Variants in TNIK observed in about 807,000 individuals in gnomAD.
TNIK encodes the protein TRAF2 and NCK-interacting protein kinase.
In TNIK, 49 loss-of-function variants were observed where a neutral mutation model predicts 191.3. The observed-to-expected ratio is 0.26, with a 90% confidence interval of 0.20 to 0.32. The LOEUF is 0.32. TNIK is among the 10% of genes least tolerant of loss of function. TNIK has a pLI of 1.00. For synonymous variants in TNIK, 594 were observed against 600.9 expected (o/e 0.99, Z 0.17); for missense variants, 1,155 against 1,702.3 (o/e 0.68, Z 5.66).
intron 4 of TNIK, among the ~76,000 whole-genome samples, chr3:171,200,357 T>A (rs1577101404): frequency 1.3e-5 from 2 of 152,172 alleles, no homozygotes; most frequent in African/African-American, 4.8e-5. Flanking sequence ...GCAACCAACT[T>A]ATTAGAGAAA....
intron 2 of TNIK, among the ~76,000 whole-genome samples, chr3:171,265,259 A>G (rs998128316): frequency 5.9e-5 from 9 of 152,246 alleles, no homozygotes; most frequent in African/African-American, 2.2e-4. Flanking sequence ...TTGAAGAATC[A>G]AAAACTGAAA....
intron 2 of TNIK, among the ~76,000 whole-genome samples, chr3:171,230,642 G>C (rs1459167157): frequency 1.3e-5 from 2 of 152,012 alleles, no homozygotes; most frequent in African/African-American, 4.8e-5. Context: ...TTCTTGGTCT[G>C]GGATGCCCTT....
intron 1 of TNIK, among the ~76,000 whole-genome samples, chr3:171,388,207 C>T (rs1325309808): frequency 6.6e-6 from 1 of 152,188 alleles, no homozygotes; most frequent in East Asian, 1.9e-4. Flanking sequence ...AGTTCTAGTG[C>T]CATCTTATCC....
chr3:171,450,136 T>G (rs1473685097), intron 1 of TNIK, among the ~76,000 whole-genome samples: 1 of 152,122 alleles, frequency 6.6e-6, no homozygotes, highest in Non-Finnish European at 1.5e-5. Flanking sequence ...CCCAGGAGTC[T>G]TCGTAGCTTC....
intron 11 of TNIK, among the ~76,000 whole-genome samples, chr3:171,160,046 G>A (rs1198635067): frequency 5.3e-5 from 8 of 152,186 alleles, no homozygotes. Flanking sequence ...TTTGAACACT[G>A]GTGTACAACT....
At chr3:171,103,917 TCAC>T (rs1724096647) in intron 21 of TNIK, among the ~76,000 whole-genome samples, 1 of 152,092 alleles carries the variant, frequency 6.6e-6, no homozygotes, top group African/African-American at 2.4e-5. Flanking sequence ...AAAAAAACTT[TCAC>T]TTGTTAAAAT....
chr3:171,120,122 A>G (rs981243067), intron 18 of TNIK, among the ~76,000 whole-genome samples: 1 of 152,156 alleles, frequency 6.6e-6, no homozygotes, highest in African/African-American at 2.4e-5. Context: ...TTTTAATTCA[A>G]GAGTCTTCTC....
chr3:171,356,811 A>G (rs1476515664), intron 2 of TNIK, among the ~76,000 whole-genome samples: 2 of 152,192 alleles, frequency 1.3e-5, no homozygotes, highest in Non-Finnish European at 1.5e-5. Flanking sequence ...TACCTCTTCT[A>G]TCTAACTTAT....
intron 2 of TNIK, 100 bp from the exon 3 acceptor site, chr3:171,228,321 A>C: frequency 3.4e-6 from 4 of 1,189,920 alleles, no homozygotes; most frequent in South Asian, 1.4e-5. Context: ...GTGCTGTACT[A>C]TGTCAATGGG....
At chr3:171,359,056 A>G (rs1714593385) in intron 2 of TNIK, among the ~76,000 whole-genome samples, 1 of 152,204 alleles carries the variant, frequency 6.6e-6, no homozygotes, top group Non-Finnish European at 1.5e-5. Flanking sequence ...GTTGCACAAC[A>G]ATGTGAATGT....
At chr3:171,398,989 C>T (rs539073963) in intron 1 of TNIK, among the ~76,000 whole-genome samples, 104 of 152,316 alleles carry the variant, frequency 6.8e-4, no homozygotes, top group African/African-American at 2.3e-3. Flanking sequence ...TTCTCACCCA[C>T]AGTAGGTCAC....
intron 2 of TNIK, among the ~76,000 whole-genome samples, chr3:171,300,323 A>T (rs1306464529): frequency 6.6e-6 from 1 of 152,228 alleles, no homozygotes; most frequent in African/African-American, 2.4e-5. Context: ...CAGGAAGAAC[A>T]GGAGTATGGT....
In TNIK at chr3:171,167,347, G is replaced by A. The variant is rs1734737617; in HGVS notation, c.774-77C>T. 4.5e-6 allele frequency: 7 copies of A among 1,544,756 alleles called. No homozygotes were observed. The East Asian group carries it at 1.4e-4, about 30-fold the overall frequency. ...GCAAATGTGTAATTTCTGAAATGCT[G>A]GGACTTTTTCTTTTTTTAAGGTCCA... On this transcript the variant is annotated intron_variant, in intron 9 of 32. Transcript: ENST00000436636.
At chr3:171,107,507 T>G (rs1725094521) in intron 20 of TNIK, among the ~76,000 whole-genome samples, 1 of 152,212 alleles carries the variant, frequency 6.6e-6, no homozygotes, top group African/African-American at 2.4e-5. Flanking sequence ...ATTTTCAACT[T>G]TCAAATTTTA....
intron 1 of TNIK, among the ~76,000 whole-genome samples, chr3:171,450,226 C>G (rs1728007242): frequency 1.3e-5 from 2 of 152,218 alleles, no homozygotes; most frequent in Non-Finnish European, 2.9e-5. Flanking sequence ...CCTTTATTTT[C>G]AACATCTGAA....
chr3:171,103,341 T>A (rs991664196), intron 21 of TNIK, among the ~76,000 whole-genome samples: 2 of 152,182 alleles, frequency 1.3e-5, no homozygotes, highest in African/African-American at 4.8e-5. Context: ...AACATAGGTA[T>A]AATGTTATGC....
At chr3:171,214,763 G>T (rs1741261267) in intron 3 of TNIK, among the ~76,000 whole-genome samples, 1 of 152,116 alleles carries the variant, frequency 6.6e-6, no homozygotes, top group African/African-American at 2.4e-5. Context: ...CTCAGCCATG[G>T]CATTTAAACT....
At chr3:171,290,101 G>A (rs905150062) in intron 2 of TNIK, among the ~76,000 whole-genome samples, 2 of 152,116 alleles carry the variant, frequency 1.3e-5, no homozygotes, top group Non-Finnish European at 2.9e-5. Context: ...AGAAGTAGAA[G>A]AGGATGGGAA....
At chr3:171,230,613 G>T (rs1047973962) in intron 2 of TNIK, among the ~76,000 whole-genome samples, 1 of 151,996 alleles carries the variant, frequency 6.6e-6, no homozygotes, top group African/African-American at 2.4e-5. Context: ...ATTGTTTCTT[G>T]CCTCTCAGAT....
Sources: gnomAD v4.1 joint callset for allele counts (sites outside exome capture counted in the v4.1 genomes callset) on GRCh38, gnomAD v4.1.1 for gene constraint, MANE v1.5 for transcripts, NCBI Gene and HGNC (gene_info 2026-07-23, HGNC 2026-07-21) for gene names.